The following VWF variants were observed in gnomAD, a reference collection of about 807,000 sequenced individuals.
The protein encoded by VWF is Factor VIII related antigen.
Under a neutral mutation model 308.6 loss-of-function variants are expected in VWF, and 176 were observed. That is an observed-to-expected ratio of 0.57 (90% CI 0.50 to 0.65). The LOEUF (loss-of-function observed/expected upper bound fraction) is 0.65, where lower values mean the gene tolerates loss of function less well. Ranked by LOEUF, VWF falls within the 30% of genes least tolerant of loss-of-function variation. The pLI, the probability that VWF is intolerant of heterozygous loss-of-function variation, is 0.00. For synonymous variants in VWF, 1,385 were observed against 1,443.4 expected (o/e 0.96, Z 0.92); for missense variants, 3,146 against 3,648.2 (o/e 0.86, Z 3.55).
At chr12:6,040,898 T>C (rs1368365529) in intron 18 of VWF, among the ~76,000 whole-genome samples, 1 of 152,174 alleles carries the variant, frequency 6.6e-6, no homozygotes, top group Non-Finnish European at 1.5e-5. Flanking sequence ...CTTCTGGGCA[T>C]ACGGTGGACA....
intron 5 of VWF, among the ~76,000 whole-genome samples, chr12:6,101,632 C>A (rs1027522686): frequency 2.6e-5 from 4 of 151,942 alleles, no homozygotes; most frequent in Admixed American, 2.6e-4. Context: ...AAAAATTAGC[C>A]AGGCATGGTG....
chr12:6,003,999 T>A (rs902517712), intron 34 of VWF, among the ~76,000 whole-genome samples: 3 of 152,036 alleles, frequency 2.0e-5, no homozygotes, highest in African/African-American at 7.2e-5. Context: ...GTATTTTTAG[T>A]AGAGACGGGG....
chr12:5,995,851 C>T lies in VWF; in HGVS notation c.6063+151G>A, dbSNP rs898065791. On this transcript the variant is annotated intron_variant, in intron 35 of 51. Coordinates refer to ENST00000261405, the MANE Select transcript of VWF (RefSeq NM_000552.5). The stretch of plus-strand genomic sequence containing the variant: ...GCCAAGACAAGGGGATGGCAATAAA[C>T]CCCTCTAAGAAAGTGGTACTCCTCT... 4 of 736,754 alleles carry T rather than the reference C, an allele frequency of 5.4e-6. No individual in the cohort carries two copies. The East Asian group carries it at 1.1e-4, about 20-fold the overall frequency. 45.6% of individuals were successfully genotyped at this position (736,754 alleles called of 1,614,324 possible).
chr12:6,082,488 C>T (rs757292973), intron 6 of VWF, among the ~76,000 whole-genome samples: 1 of 152,102 alleles, frequency 6.6e-6, no homozygotes, highest in Non-Finnish European at 1.5e-5. Context: ...TAAGTTTAGC[C>T]GAAAGCTGCC....
In VWF at chr12:5,968,013, G is replaced by C. The variant is rs181377486; in HGVS notation, c.7770+114C>G. 3.9e-4 allele frequency: 564 copies of C among 1,434,868 alleles called. 4 individuals are homozygous for C. The East Asian group carries it at 7.5e-3, about 19-fold the overall frequency. The allele number at this position is 1,434,868 out of a possible 1,614,324, so 88.9% of individuals were successfully genotyped here. On this transcript the variant is annotated intron_variant, in intron 46 of 51. Coordinates refer to ENST00000261405, the MANE Select transcript of VWF (RefSeq NM_000552.5). ...CCACAGGCAGTGGAAAGCTGGGGTT[G>C]GGTCTCTCTGGTTTCCTTCATTTCT...
intron 6 of VWF, among the ~76,000 whole-genome samples, chr12:6,089,725 G>C (rs1945010339): frequency 6.6e-6 from 1 of 152,014 alleles, no homozygotes; most frequent in Non-Finnish European, 1.5e-5. Context: ...CTCTGCACTG[G>C]GCTATGTTTG....
intron 38 of VWF, among the ~76,000 whole-genome samples, chr12:5,987,405 A>G (rs551663475): frequency 4.6e-5 from 7 of 152,358 alleles, no homozygotes; most frequent in African/African-American, 1.7e-4. Context: ...GACACCAAGA[A>G]GTTAAGAAAT....
At chr12:6,088,494 CGAGA>C (rs72322913) in intron 6 of VWF, among the ~76,000 whole-genome samples, 9,441 of 137,260 alleles carry the variant, frequency 0.069, 1,020 homozygotes, top group African/African-American at 0.25. Context: ...AAAAAAAAAG[CGAGA>C]GAGAGAGAGA....
intron 5 of VWF, among the ~76,000 whole-genome samples, chr12:6,104,122 T>C (rs1945213935): frequency 6.6e-6 from 1 of 151,532 alleles, no homozygotes; most frequent in Non-Finnish European, 1.5e-5. Flanking sequence ...AGGACATGAG[T>C]AGACATTTTT....
At chr12:6,121,488 T>C in intron 2 of VWF, 150 bp from the exon 3 acceptor site, 1 of 973,512 alleles carries the variant, frequency 1.0e-6, no homozygotes, top group Non-Finnish European at 1.6e-6. Flanking sequence ...AGACTAAAGC[T>C]GTTGCTTTCA....
intron 16 of VWF, among the ~76,000 whole-genome samples, chr12:6,051,056 G>T (rs12310306): frequency 1.2e-4 from 18 of 146,742 alleles, no homozygotes; most frequent in African/African-American, 4.2e-4. Flanking sequence ...TTTTTTAATC[G>T]TTTATTTATT....
At chr12:5,979,121 G>T (rs896255134) in intron 42 of VWF, among the ~76,000 whole-genome samples, 1 of 152,174 alleles carries the variant, frequency 6.6e-6, no homozygotes, top group Admixed American at 6.5e-5. Flanking sequence ...AACCTCTTTC[G>T]CTGTCCTTGA....
Position 5,969,317 on chromosome 12 carries a change from A to G in VWF, c.7623T>C (p.Phe2541=), listed in dbSNP as rs1943442435. The G allele has an allele frequency of 1.2e-6, 2 of 1,614,174 alleles. No homozygotes were observed. The highest frequency in any genetic ancestry group is 8.5e-7 in the Non-Finnish European group (1 of 1,180,020). ...GGCAGGAGACGTTCCTTTGTTGTATAAAGACCTCCTCCTTCACTCGGACAC... is the reference window on the plus strand; with the variant it reads ...GGCAGGAGACGTTCCTTTGTTGTATGAAGACCTCCTCCTTCACTCGGACAC... ...NECVRVKEEV[F]IQQRNVSCPQ... The change falls in exon 45 of 52, where the codon TTT becomes TTC. Residue 2541 remains phenylalanine, a synonymous_variant. Coordinates refer to ENST00000261405, the MANE Select transcript of VWF (RefSeq NM_000552.5).
chr12:5,969,152 G>A (rs999805980), intron 45 of VWF, 59 bp downstream of exon 45: 1 of 1,557,528 alleles, frequency 6.4e-7, no homozygotes, highest in Non-Finnish European at 8.7e-7. Context: ...AGCCAAAAGT[G>A]GAAAGAGAGG....
In VWF at chr12:6,019,755, A is replaced by G. The variant is rs1442310546; in HGVS notation, c.3675-12T>C. On this transcript the variant is annotated splice_polypyrimidine_tract_variant and intron_variant, in intron 27 of 51. Transcript: ENST00000261405. This position sits in a 1 kb window ranked among gnomAD's most constrained non-coding sequence, Gnocchi z 5.8. The stretch of plus-strand genomic sequence containing the variant: ...CAACATCACAGTGGCTGCAGAAAAG[A>G]GCGAAGAAATTAAAATGGTTCAGGA... 4 of 1,606,650 alleles carry G rather than the reference A, an allele frequency of 2.5e-6. No homozygotes were observed. Among genetic ancestry groups the G allele is most frequent in the South Asian group, 1.1e-5 (1 of 90,268 alleles).
intron 19 of VWF, 39 bp downstream of exon 19, chr12:6,036,349 G>T (rs1288698232): frequency 6.2e-7 from 1 of 1,601,686 alleles, no homozygotes; most frequent in Non-Finnish European, 8.6e-7. Context: ...TCCACCCGCA[G>T]GGCCTGGGTC....
intron 3 of VWF, among the ~76,000 whole-genome samples, chr12:6,120,915 C>T (rs767560209): frequency 1.3e-5 from 2 of 152,310 alleles, no homozygotes; most frequent in East Asian, 1.9e-4. Flanking sequence ...CCCAGGGCAT[C>T]GCCGGGCCCC....
intron 6 of VWF, among the ~76,000 whole-genome samples, chr12:6,082,255 G>A (rs1944921514): frequency 6.6e-6 from 1 of 152,156 alleles, no homozygotes; most frequent in African/African-American, 2.4e-5. Flanking sequence ...GTGAGCCACC[G>A]CGCCTGGCCT....
At chr12:6,118,060 G>A (rs546305991) in intron 3 of VWF, among the ~76,000 whole-genome samples, 1 of 152,292 alleles carries the variant, frequency 6.6e-6, no homozygotes, top group South Asian at 2.1e-4. Context: ...TGAAGGAGGT[G>A]ACCGAGACAG....
Sources: gnomAD v4.1 joint callset for allele counts (sites outside exome capture counted in the v4.1 genomes callset) on GRCh38, gnomAD v4.1.1 for gene constraint, Gnocchi (gnomAD v3.1) non-coding constraint, MANE v1.5 for transcripts, NCBI Gene and HGNC (gene_info 2026-07-23, HGNC 2026-07-21) for gene names.